The following MTSS1 variants were observed in gnomAD, a reference collection of about 807,000 sequenced individuals.
MTSS1 encodes the protein protein MTSS 1.
MTSS1 carries 18 observed loss-of-function variants against 79.0 expected under a neutral mutation model. That is an observed-to-expected ratio of 0.23 (90% CI 0.16 to 0.34). The LOEUF (loss-of-function observed/expected upper bound fraction) is 0.34, where lower values mean the gene tolerates loss of function less well. MTSS1 is among the 10% of genes least tolerant of loss of function. MTSS1 has a pLI of 1.00. For synonymous variants in MTSS1, 341 were observed against 368.6 expected (o/e 0.93, Z 0.86); for missense variants, 815 against 986.2 (o/e 0.83, Z 2.33).
intron 3 of MTSS1, among the ~76,000 whole-genome samples, chr8:124,639,587 C>T (rs1039599524): frequency 5.9e-5 from 9 of 151,962 alleles, no homozygotes; most frequent in Middle Eastern, 3.2e-3. Flanking sequence ...CCTCAGCCTC[C>T]GGAGTAGCTG....
At chr8:124,567,042 C>G in intron 8 of MTSS1, 29 bp downstream of exon 8, 11 of 1,545,936 alleles carry the variant, frequency 7.1e-6, no homozygotes, top group African/African-American at 1.4e-5. Flanking sequence ...TTGGTTTGAT[C>G]CTGTAAGTGC....
At chr8:124,564,722 C>CACACACACACACACACACA (rs1563758680) in intron 9 of MTSS1, 2 of 150,714 alleles carry the variant, frequency 1.3e-5, no homozygotes, top group Non-Finnish European at 3.0e-5. Context: ...CACACACAGT[C>CACACACACACACACACACA]GACAGAAGAT....
At chr8:124,643,487 C>T (rs1170705138) in intron 3 of MTSS1, among the ~76,000 whole-genome samples, 1 of 152,022 alleles carries the variant, frequency 6.6e-6, no homozygotes, top group Non-Finnish European at 1.5e-5. Flanking sequence ...CACCTGAGGT[C>T]AGGAGTTCGA....
chr8:124,647,635 T>C (rs923233012), intron 3 of MTSS1, among the ~76,000 whole-genome samples: 1 of 152,208 alleles, frequency 6.6e-6, no homozygotes, highest in Non-Finnish European at 1.5e-5. Context: ...TGTTGAAATA[T>C]TACTATTTCT....
At chr8:124,572,933 G>C (rs1447824227) in intron 6 of MTSS1, among the ~76,000 whole-genome samples, 3 of 151,904 alleles carry the variant, frequency 2.0e-5, no homozygotes, top group Non-Finnish European at 2.9e-5. Flanking sequence ...TTTTAGTAGA[G>C]ACAGGATTTC....
chr8:124,710,335 C>T (rs576641028), intron 1 of MTSS1, among the ~76,000 whole-genome samples: 1 of 152,322 alleles, frequency 6.6e-6, no homozygotes, highest in Non-Finnish European at 1.5e-5. Context: ...ACTCTAGTTC[C>T]TGGGAGAGAG....
chr8:124,556,423 G>A lies in MTSS1; in HGVS notation c.1231-18C>T, dbSNP rs199822222. ...GCCCAGTCCTATGCAAAACAAGTGC[G>A]GTCAGGAGCCAGGGCCTCTGCCTCC... On this transcript the variant is annotated intron_variant, in intron 11 of 13. Coordinates refer to ENST00000518547, the MANE Select transcript of MTSS1 (RefSeq NM_014751.6). The A allele has an allele frequency of 8.3e-4, 1,321 of 1,592,248 alleles. 8 individuals are homozygous for A. In the African/African-American group the frequency reaches 0.015, roughly 18 times the overall value.
rs993932966 is a variant in MTSS1 at position 124,568,479 on chromosome 8, T to C, written c.518A>G (p.Tyr173Cys). The C allele has an allele frequency of 1.9e-6, 3 of 1,614,072 alleles. No individual in the cohort carries two copies. In the African/African-American group the frequency reaches 4.0e-5, roughly 22 times the overall value. ...DSALQDVNDK[Y>C]LLLEETEKQA... Reference sequence around the variant, plus strand: ...CTTTTCTGTTTCTTCCAATAAGAGATACTTATCATTGACATCTTGGAGAGC... The same window carrying C: ...CTTTTCTGTTTCTTCCAATAAGAGACACTTATCATTGACATCTTGGAGAGC... The change falls in exon 7 of 14, where the codon TAT becomes TGT. Residue 173 changes from tyrosine (Y) to cysteine (C), a missense_variant. Coordinates refer to ENST00000518547, the MANE Select transcript of MTSS1 (RefSeq NM_014751.6).
At chr8:124,699,454 T>G in intron 3 of MTSS1, 72 bp downstream of exon 3, 8 of 1,382,286 alleles carry the variant, frequency 5.8e-6, no homozygotes, top group Non-Finnish European at 8.2e-6. Flanking sequence ...CATCTTCTTG[T>G]GCAGCCACCC....
At position 124,556,408 on chromosome 8, in the gene MTSS1, A is replaced by T; in HGVS notation, c.1231-3T>A. 1 of 1,606,610 alleles carries T rather than the reference A, an allele frequency of 6.2e-7. No homozygotes were observed. Among genetic ancestry groups the T allele is most frequent in the Non-Finnish European group, 8.5e-7 (1 of 1,175,692 alleles). On this transcript the variant is annotated splice_region_variant and splice_polypyrimidine_tract_variant and intron_variant, in intron 11 of 13. Transcript: ENST00000518547. ...TAGGGCCCAGGCTTAGCCCAGTCCT[A>T]TGCAAAACAAGTGCGGTCAGGAGCC...
At chr8:124,589,585 C>T (rs921776087) in intron 5 of MTSS1, 35 bp downstream of exon 5, 41 of 1,543,414 alleles carry the variant, frequency 2.7e-5, no homozygotes, top group African/African-American at 9.7e-5. Flanking sequence ...CGCCCCCCAG[C>T]GTGCAGTGAT....
intron 3 of MTSS1, among the ~76,000 whole-genome samples, chr8:124,635,653 G>C (rs1297954819): frequency 1.2e-4 from 19 of 152,126 alleles, no homozygotes; most frequent in Admixed American, 1.2e-3. Context: ...AGGCTAAGGA[G>C]AGTAGCTTAA....
intron 11 of MTSS1, 119 bp from the exon 12 acceptor site, chr8:124,556,524 G>T: frequency 8.6e-7 from 1 of 1,161,132 alleles, no homozygotes; most frequent in Non-Finnish European, 1.2e-6. Context: ...ACCTCCGGCT[G>T]GGACAAGCCA....
chr8:124,585,502 C>A (rs1830706716), intron 5 of MTSS1, among the ~76,000 whole-genome samples: 1 of 151,976 alleles, frequency 6.6e-6, no homozygotes, highest in Admixed American at 6.6e-5. Flanking sequence ...GCCACCTCCA[C>A]CTCCCGAGTT....
chr8:124,556,336 C>T lies in MTSS1; in HGVS notation c.1300G>A (p.Glu434Lys). 2 of 1,614,228 alleles carry T rather than the reference C, an allele frequency of 1.2e-6. No individual in the cohort carries two copies. The highest frequency in any genetic ancestry group is 1.7e-6 in the Non-Finnish European group (2 of 1,180,030). Residue 434 changes from glutamate to lysine, a missense_variant, in exon 12 of 14, where the codon GAA becomes AAA. Around this residue, in one of 2 missense-constraint regions of MTSS1, gnomAD observed 590 missense variants for 620.8 expected, o/e 0.95. Coordinates refer to ENST00000518547, the MANE Select transcript of MTSS1 (RefSeq NM_014751.6). ...NTLQRRKEKREPDPNGGGPTT... is the reference protein window; with the variant it reads ...NTLQRRKEKRKPDPNGGGPTT... Reference sequence around the variant, plus strand: ...GGTCCTCCCCCGTTGGGGTCCGGTTCTCGCTTCTCTTTGCGGCGCTGCAGG... The same window carrying T: ...GGTCCTCCCCCGTTGGGGTCCGGTTTTCGCTTCTCTTTGCGGCGCTGCAGG...
At chr8:124,679,492 GT>G (rs2134918642) in intron 3 of MTSS1, among the ~76,000 whole-genome samples, 1 of 152,346 alleles carries the variant, frequency 6.6e-6, no homozygotes, top group African/African-American at 2.4e-5. Flanking sequence ...CTTTTAGAAA[GT>G]TATACATATT....
chr8:124,556,258 T>C lies in MTSS1; in HGVS notation c.1378A>G (p.Ser460Gly). 2 of 1,614,210 alleles carry C rather than the reference T, an allele frequency of 1.2e-6. No homozygotes were observed. Among genetic ancestry groups the C allele is most frequent in the Non-Finnish European group, 1.7e-6 (2 of 1,180,028 alleles). Residue 460 changes from serine to glycine, a missense_variant, in exon 12 of 14, where the codon AGC becomes GGC. Transcript: ENST00000518547. The part of the protein sequence containing the change: ...AAAEEAQRPR[S>G]MTVSAATRPG... ...CTGGTGGCAGCCGATACAGTCATGCTCCGTGGTCTCTGAGCCTCCTCAGCT... is the reference window on the plus strand; with the variant it reads ...CTGGTGGCAGCCGATACAGTCATGCCCCGTGGTCTCTGAGCCTCCTCAGCT...
chr8:124,632,779 T>C (rs930750167), intron 3 of MTSS1, among the ~76,000 whole-genome samples: 31 of 152,358 alleles, frequency 2.0e-4, no homozygotes, highest in Admixed American at 1.8e-3. Flanking sequence ...GCGATTCTTC[T>C]GCCTCAGCCT....
In MTSS1 at chr8:124,609,700, A is replaced by C. The variant is rs150752213; in HGVS notation, c.209-18465T>G. Among the ~76,000 whole-genome samples the C allele has an allele frequency of 7.1e-3, 1,081 of 152,322 alleles. 11 individuals are homozygous for C. Among genetic ancestry groups the C allele is most frequent in the Admixed American group, 0.014 (218 of 15,292 alleles). On this transcript the variant is annotated intron_variant, in intron 3 of 13. Coordinates refer to ENST00000518547, the MANE Select transcript of MTSS1 (RefSeq NM_014751.6). ...TCCACGGGCCTGTGTCCTTCATTAG[A>C]CAGCGACCACCTTGGAGGAACAACT...
Sources: allele counts gnomAD v4.1 joint callset (sites outside exome capture counted in the v4.1 genomes callset), GRCh38; gene constraint gnomAD v4.1.1; regional missense constraint gnomAD v4.1.1; transcripts MANE v1.5; gene names NCBI Gene and HGNC (gene_info 2026-07-23, HGNC 2026-07-21).